JAKMIP2: variants seen among roughly 807,000 people sequenced by gnomAD.
The protein encoded by JAKMIP2 is janus kinase and microtubule-interacting protein 2.
A neutral mutation model predicts 115.0 loss-of-function variants in JAKMIP2; 25 were observed. That is an observed-to-expected ratio of 0.22 (90% CI 0.16 to 0.30). The LOEUF (loss-of-function observed/expected upper bound fraction) is 0.30. Among genes scored for constraint, JAKMIP2 ranks in the 10% least tolerant of loss-of-function variants. JAKMIP2 has a pLI of 1.00. For synonymous variants in JAKMIP2, 334 were observed against 343.6 expected, an observed-to-expected ratio of 0.97 and a Z score of 0.31; for missense variants, 642 against 957.6, an observed-to-expected ratio of 0.67 and a Z score of 4.35.
At chr5:147,638,531 T>A (rs986951706) in intron 10 of JAKMIP2, among the ~76,000 whole-genome samples, 1 of 152,194 alleles carries the variant, frequency 6.6e-6, no homozygotes, top group Non-Finnish European at 1.5e-5. Context: ...TGGTGTTTTT[T>A]AAAAACCTGC....
chr5:147,778,332 A>G (rs1268004817), intron 1 of JAKMIP2, among the ~76,000 whole-genome samples: 1 of 151,876 alleles, frequency 6.6e-6, no homozygotes, highest in Non-Finnish European at 1.5e-5. Context: ...TTTGCCTGAT[A>G]CCCTAAGCAC....
At chr5:147,651,098 C>T (rs1346550999) in intron 3 of JAKMIP2, among the ~76,000 whole-genome samples, 1 of 152,054 alleles carries the variant, frequency 6.6e-6, no homozygotes, top group Non-Finnish European at 1.5e-5. Flanking sequence ...GGTCCTTCCA[C>T]GGTTCATGTG....
At chr5:147,680,063 T>C (rs1221453879) in intron 1 of JAKMIP2, among the ~76,000 whole-genome samples, 1 of 152,230 alleles carries the variant, frequency 6.6e-6, no homozygotes, top group Non-Finnish European at 1.5e-5. Flanking sequence ...TAAGCTTCTG[T>C]TTCCTCACTG....
At chr5:147,720,872 C>T (rs950924276) in intron 1 of JAKMIP2, among the ~76,000 whole-genome samples, 14 of 152,246 alleles carry the variant, frequency 9.2e-5, no homozygotes, top group Non-Finnish European at 2.1e-4. Context: ...CTCCGTCCAG[C>T]TTTGTTCCAT....
intron 1 of JAKMIP2, among the ~76,000 whole-genome samples, chr5:147,778,977 C>G (rs538779763): frequency 1.6e-4 from 24 of 152,230 alleles, no homozygotes; most frequent in Admixed American, 4.6e-4. Context: ...ACACACTTCA[C>G]AGAGTAACAA....
chr5:147,749,562 G>T (rs1284659467), intron 1 of JAKMIP2, among the ~76,000 whole-genome samples: 2 of 152,084 alleles, frequency 1.3e-5, no homozygotes, highest in Non-Finnish European at 2.9e-5. Flanking sequence ...TGTGAGTTGT[G>T]CATATATCAC....
In JAKMIP2 at chr5:147,671,493, T is replaced by A. The variant is rs190039765; in HGVS notation, c.129+185A>T. ...GTGAGTATGCTATTTTCACTTTCTG[T>A]GTGTCCTGTGCTCAGTTCCCTCCTG... On this transcript the variant is annotated intron_variant, in intron 2 of 21. Coordinates refer to ENST00000616793, the MANE Select transcript of JAKMIP2 (RefSeq NM_001270941.2). 2.0e-4 allele frequency among the ~76,000 whole-genome samples: 31 copies of A among 152,346 alleles called. No individual in the cohort carries two copies. In the East Asian group the frequency reaches 6.0e-3, roughly 29 times the overall value.
chr5:147,630,991 A>C (rs915057059), intron 14 of JAKMIP2, among the ~76,000 whole-genome samples: 62 of 152,272 alleles, frequency 4.1e-4, no homozygotes, highest in African/African-American at 1.4e-3. Flanking sequence ...ATGACTTCAA[A>C]CCTTTTCTAA....
intron 7 of JAKMIP2, among the ~76,000 whole-genome samples, 187 bp from the exon 8 acceptor site, chr5:147,641,951 T>G (rs1757899936): frequency 6.6e-6 from 1 of 152,180 alleles, no homozygotes; most frequent in East Asian, 1.9e-4. Flanking sequence ...CTTCTACAAC[T>G]ATTCCTGATG....
intron 3 of JAKMIP2, among the ~76,000 whole-genome samples, chr5:147,651,665 C>T (rs994372817): frequency 3.9e-5 from 6 of 152,152 alleles, no homozygotes; most frequent in Admixed American, 6.5e-5. Context: ...TACATAGTCA[C>T]GTATTTTCCA....
At chr5:147,597,125 C>T (rs991866543) in intron 21 of JAKMIP2, among the ~76,000 whole-genome samples, 34 of 151,752 alleles carry the variant, frequency 2.2e-4, no homozygotes, top group Non-Finnish European at 2.1e-4. Flanking sequence ...TCAGGTGATC[C>T]GCCTGCCTCA....
rs1754842991 is a variant in JAKMIP2, at chr5:147,585,767, T to C, written c.*5940A>G. 6.6e-6 allele frequency: 1 copy of C among 152,178 alleles called. No homozygotes were observed. The highest frequency in any genetic ancestry group is 6.5e-5 in the Admixed American group (1 of 15,284). The allele number at this position is 152,178 out of a possible 1,614,324, so 9.4% of individuals were successfully genotyped here. A position where few individuals can be genotyped will look rare whatever the true frequency, so the allele number is the denominator to read the frequency against. On this transcript the variant is annotated 3_prime_UTR_variant, in exon 22 of 22. Coordinates refer to ENST00000616793, the MANE Select transcript of JAKMIP2 (RefSeq NM_001270941.2). ...TGAAAGCTCTGTGAAATTGGACCCT[T>C]GGCTACATTAACACAGTAAACACCT... is the stretch of plus-strand genomic sequence containing the variant.
At chr5:147,685,530 T>A (rs1760524377) in intron 1 of JAKMIP2, among the ~76,000 whole-genome samples, 1 of 152,194 alleles carries the variant, frequency 6.6e-6, no homozygotes, top group Non-Finnish European at 1.5e-5. Flanking sequence ...CTAGCCTTAC[T>A]CCGGAGCCTA....
chr5:147,742,155 A>ATATATATATATTT, intron 1 of JAKMIP2, among the ~76,000 whole-genome samples: 5 of 108,884 alleles, frequency 4.6e-5, no homozygotes, highest in Non-Finnish European at 9.3e-5. Flanking sequence ...ATATATATAT[A>ATATATATATATTT]TTTTTTTTAC....
Position 147,632,355 on chromosome 5 carries a change from C to T in JAKMIP2, c.1776+325G>A, listed in dbSNP as rs145771638. Among the ~76,000 whole-genome samples, 18 of 152,108 alleles carry T rather than the reference C, an allele frequency of 1.2e-4. No individual in the cohort carries two copies. The East Asian group carries it at 2.7e-3, about 23-fold the overall frequency. ...GATGGACATGAGTATTTAAAAACAACGAATGTTGAGGATGGTTGAAATCTA... is the reference window on the plus strand; with the variant it reads ...GATGGACATGAGTATTTAAAAACAATGAATGTTGAGGATGGTTGAAATCTA... On this transcript the variant is annotated intron_variant, in intron 13 of 21. Coordinates refer to ENST00000616793, the MANE Select transcript of JAKMIP2 (RefSeq NM_001270941.2).
intron 1 of JAKMIP2, among the ~76,000 whole-genome samples, chr5:147,730,600 C>T (rs1297588511): frequency 6.6e-6 from 1 of 151,924 alleles, no homozygotes; most frequent in East Asian, 1.9e-4. Context: ...GGACTAGAGG[C>T]ACACGCCACC....
At chr5:147,648,995 T>C (rs1758265899) in intron 4 of JAKMIP2, among the ~76,000 whole-genome samples, 1 of 152,194 alleles carries the variant, frequency 6.6e-6, no homozygotes, top group Admixed American at 6.5e-5. Context: ...TACCTTCATG[T>C]ATAAAGGTCA....
intron 21 of JAKMIP2, among the ~76,000 whole-genome samples, chr5:147,593,519 C>T (rs1288681469): frequency 2.7e-5 from 4 of 150,492 alleles, no homozygotes; most frequent in East Asian, 3.9e-4. Flanking sequence ...GAAGAGTTCT[C>T]GTAGAGTCAG....
chr5:147,631,734 C>A (rs1025977938), intron 13 of JAKMIP2, among the ~76,000 whole-genome samples: 7 of 152,114 alleles, frequency 4.6e-5, no homozygotes, highest in Admixed American at 2.0e-4. Context: ...TCCATTCTTC[C>A]AAATTTTTTG....
Sources: allele counts gnomAD v4.1 joint callset (sites outside exome capture counted in the v4.1 genomes callset), GRCh38; gene constraint gnomAD v4.1.1; transcripts MANE v1.5; gene names NCBI Gene and HGNC (gene_info 2026-07-23, HGNC 2026-07-21).